Variants in ECT2 observed in about 807,000 individuals in gnomAD.
The protein encoded by ECT2 is protein ECT2.
Under a neutral mutation model 116.9 loss-of-function variants are expected in ECT2, and 61 were observed. The ratio of observed to expected loss-of-function variants is 0.52; its 90% confidence interval spans 0.42 to 0.65. The LOEUF (loss-of-function observed/expected upper bound fraction) is 0.65. ECT2 is among the 30% of genes least tolerant of loss of function. The pLI, the probability that ECT2 is intolerant of heterozygous loss-of-function variation, is 0.00. For synonymous variants in ECT2, 358 were observed against 346.4 expected, an observed-to-expected ratio of 1.03 and a Z score of -0.37; for missense variants, 937 against 1,078.7, an observed-to-expected ratio of 0.87 and a Z score of 1.84.
chr3:172,773,799 A>T, intron 13 of ECT2, 104 bp from the exon 14 acceptor site: 1 of 1,159,860 alleles, frequency 8.6e-7, no homozygotes, highest in Admixed American at 2.7e-5. Flanking sequence ...TTTTATTATT[A>T]CTTCCTTCTC....
At chr3:172,776,809 A>G (rs1158021922) in intron 14 of ECT2, among the ~76,000 whole-genome samples, 2 of 151,940 alleles carry the variant, frequency 1.3e-5, no homozygotes, top group African/African-American at 2.4e-5. Context: ...TCCTGAAAAC[A>G]TTGGTGTCTG....
At chr3:172,819,476 A>C (rs1287020700) in intron 24 of ECT2, among the ~76,000 whole-genome samples, 1 of 152,080 alleles carries the variant, frequency 6.6e-6, no homozygotes, top group Non-Finnish European at 1.5e-5. Flanking sequence ...TTGCTGTTTC[A>C]CTCAATTTTT....
At chr3:172,785,809 G>A (rs1023063058) in intron 17 of ECT2, among the ~76,000 whole-genome samples, 1 of 152,108 alleles carries the variant, frequency 6.6e-6, no homozygotes, top group Non-Finnish European at 1.5e-5. Flanking sequence ...AAATTATAAG[G>A]AGAATATATG....
Position 172,765,920 on chromosome 3 carries a change from G to A in ECT2, c.1291+1420G>A, listed in dbSNP as rs184421949. ...CTTTCTCTGCCTCAAGGAAATCTGC[G>A]TGGATTGTCTGTAAAGTTAAATCCC... On this transcript the variant is annotated intron_variant, in intron 12 of 24. Transcript: ENST00000392692. 4.8e-4 allele frequency among the ~76,000 whole-genome samples: 73 copies of A among 152,232 alleles called. 2 individuals are homozygous for A. The South Asian group carries it at 0.014, about 29-fold the overall frequency.
intron 8 of ECT2, 126 bp from the exon 9 acceptor site, chr3:172,762,290 A>C (rs1718455809): frequency 5.9e-6 from 6 of 1,022,838 alleles, no homozygotes; most frequent in Non-Finnish European, 7.0e-6. Flanking sequence ...TCAGGACCAA[A>C]TATTAAATAG....
rs1345524214 is a variant in ECT2 at position 172,756,647 on chromosome 3, TA to T, written c.304-331del. ...ATCTTGATATCAAAATGCATGTACT[TA>T]AAAACTTTAGCATTCTAATTTTATG... On this transcript the variant is annotated intron_variant, in intron 4 of 24. Coordinates refer to ENST00000392692, the MANE Select transcript of ECT2 (RefSeq NM_001258315.2). Among the ~76,000 whole-genome samples the T allele has an allele frequency of 2.0e-5, 3 of 152,308 alleles. No individual in the cohort carries two copies. In the East Asian group the frequency reaches 5.8e-4, roughly 29 times the overall value.
the ECT2 span, chr3:172,828,680 A>C: frequency 1.4e-4 from 52 of 381,032 alleles, no homozygotes; most frequent in Admixed American, 2.9e-4. Flanking sequence ...CAGCACCAGG[A>C]ATGGCATGGA....
At chr3:172,765,129 C>T (rs1183486471) in intron 12 of ECT2, among the ~76,000 whole-genome samples, 1 of 152,224 alleles carries the variant, frequency 6.6e-6, no homozygotes, top group Non-Finnish European at 1.5e-5. Context: ...TCTATTGTCT[C>T]ATTTCCTTGA....
chr3:172,785,666 C>G lies in ECT2; in HGVS notation c.1826-827C>G, dbSNP rs1723483084. ...TTAATCTGTTATTTTCTGTAAAAATCTTGGTTAGTATATGAATTATAGTAC... is the reference window on the plus strand; with the variant it reads ...TTAATCTGTTATTTTCTGTAAAAATGTTGGTTAGTATATGAATTATAGTAC... On this transcript the variant is annotated intron_variant, in intron 17 of 24. Transcript: ENST00000392692. Among the ~76,000 whole-genome samples the G allele has an allele frequency of 2.0e-5, 3 of 152,066 alleles. No homozygotes were observed. In the South Asian group the frequency reaches 6.2e-4, roughly 31 times the overall value.
intron 6 of ECT2, among the ~76,000 whole-genome samples, chr3:172,759,290 A>G (rs1042604619): frequency 6.6e-6 from 1 of 152,154 alleles, no homozygotes; most frequent in African/African-American, 2.4e-5. Context: ...TAATAGAAAG[A>G]TTTCATAGCA....
chr3:172,760,021 T>G (rs1717906776), intron 6 of ECT2, 135 bp from the exon 7 acceptor site: 1 of 528,784 alleles, frequency 1.9e-6, no homozygotes. Flanking sequence ...ACATAAAATT[T>G]AATAGCTTTA....
In ECT2 at chr3:172,807,894, T is replaced by C. The variant is rs766959618; in HGVS notation, c.2370T>C (p.His790=). ...KENWLKMLCR[H]VANTICKADA... is the part of the protein sequence containing the mutation. ...ACTGGCTAAAGATGCTGTGTCGACATGTAGCTAACACCATTTGTAAAGCAG... is the reference window on the plus strand; with the variant it reads ...ACTGGCTAAAGATGCTGTGTCGACACGTAGCTAACACCATTTGTAAAGCAG... The change falls in exon 22 of 25, where the codon CAT becomes CAC. Residue 790 remains histidine, a synonymous_variant. Coordinates refer to ENST00000392692, the MANE Select transcript of ECT2 (RefSeq NM_001258315.2). 2.3e-5 allele frequency: 37 copies of C among 1,613,758 alleles called. No individual in the cohort carries two copies. The highest frequency in any genetic ancestry group is 2.8e-5 in the Non-Finnish European group (33 of 1,179,834).
chr3:172,805,664 A>AT, intron 20 of ECT2, 67 bp from the exon 21 acceptor site: 2 of 1,471,348 alleles, frequency 1.4e-6, no homozygotes, highest in Non-Finnish European at 1.9e-6. Flanking sequence ...GTGCTATTTT[A>AT]TTTTTTAAGT....
intron 24 of ECT2, among the ~76,000 whole-genome samples, chr3:172,817,305 A>G (rs1729919481): frequency 6.6e-6 from 1 of 152,258 alleles, no homozygotes. Context: ...TTTATTGGGT[A>G]AAGGCAACTG....
rs1352739207 is a variant in ECT2 at position 172,820,306 on chromosome 3, A to G, written c.*69A>G. Reference sequence around the variant, plus strand: ...ATACTCAAATAAGAAACTGACTTAAATGGTACTTGTAATTAGCACTTGGTG... The same window carrying G: ...ATACTCAAATAAGAAACTGACTTAAGTGGTACTTGTAATTAGCACTTGGTG... On this transcript the variant is annotated 3_prime_UTR_variant, in exon 25 of 25. Transcript: ENST00000392692. The G allele has an allele frequency of 1.8e-6, 2 of 1,118,322 alleles. No homozygotes were observed. The highest frequency in any genetic ancestry group is 1.9e-5 in the South Asian group (1 of 52,766). 69.3% of individuals were successfully genotyped at this position (1,118,322 alleles called of 1,614,324 possible). A position where few individuals can be genotyped will look rare whatever the true frequency, so the allele number is the denominator to read the frequency against.
intron 12 of ECT2, among the ~76,000 whole-genome samples, chr3:172,765,318 A>G (rs55768715): frequency 0.06 from 9,134 of 151,862 alleles, 918 homozygotes; most frequent in African/African-American, 0.21. Context: ...TTTCAATTCT[A>G]AATGTTGTAT....
Position 172,820,630 on chromosome 3 carries a change from T to A in ECT2, c.*393T>A, listed in dbSNP as rs146626491. ...ATGAATTTATGGAAATAGATATTTG[T>A]GCAGCTCAATTTATGCAGAGATTAA... On this transcript the variant is annotated 3_prime_UTR_variant, in exon 25 of 25. Transcript: ENST00000392692. 3.3e-3 allele frequency: 506 copies of A among 154,148 alleles called. 10 individuals are homozygous for A. The highest frequency in any genetic ancestry group is 5.7e-3 in the East Asian group (30 of 5,266). The allele number at this position is 154,148 out of a possible 1,614,324, so 9.5% of individuals were successfully genotyped here.
chr3:172,805,300 T>C (rs978099211), intron 20 of ECT2, among the ~76,000 whole-genome samples: 6 of 152,212 alleles, frequency 3.9e-5, no homozygotes, highest in Non-Finnish European at 7.3e-5. Flanking sequence ...CTAGCATTTG[T>C]CATCAAATTA....
downstream of ECT2, among the ~76,000 whole-genome samples, chr3:172,821,670 T>C (rs1730692477): frequency 6.6e-6 from 1 of 151,942 alleles, no homozygotes; most frequent in Non-Finnish European, 1.5e-5. Context: ...TTGAGAAATG[T>C]AGATAGTGAA....
Sources: gnomAD v4.1 joint callset for allele counts (sites outside exome capture counted in the v4.1 genomes callset) on GRCh38, gnomAD v4.1.1 for gene constraint, MANE v1.5 for transcripts, NCBI Gene and HGNC (gene_info 2026-07-23, HGNC 2026-07-21) for gene names.